Variants in KAT6A observed in about 807,000 individuals in gnomAD.
KAT6A encodes histone acetyltransferase KAT6A.
Under a neutral mutation model 198.4 loss-of-function variants are expected in KAT6A, and 9 were observed. That is an observed-to-expected ratio of 0.05 (90% CI 0.03 to 0.08). The LOEUF (loss-of-function observed/expected upper bound fraction) is 0.08. Ranked by LOEUF, KAT6A falls within the 10% of genes least tolerant of loss-of-function variation. The probability of loss-of-function intolerance (pLI) is 1.00; values close to 1 mark genes in which losing one functional copy is unlikely to be tolerated. For missense variants in KAT6A, 2,077 were observed against 2,509.9 expected (o/e 0.83, Z 3.69); for synonymous variants, 890 against 883.0 (o/e 1.01, Z -0.14).
chr8:41,965,192 G>A (rs1823409437), intron 8 of KAT6A, among the ~76,000 whole-genome samples: 1 of 152,194 alleles, frequency 6.6e-6, no homozygotes, highest in Non-Finnish European at 1.5e-5. Context: ...CTTCTGAGGT[G>A]ACAGATTTGA....
At chr8:41,999,899 T>C (rs1454769253) in intron 2 of KAT6A, among the ~76,000 whole-genome samples, 2 of 152,248 alleles carry the variant, frequency 1.3e-5, no homozygotes, top group African/African-American at 2.4e-5. Context: ...GATAAAGTTA[T>C]GGCTGTGTAA....
intron 14 of KAT6A, chr8:41,942,567 C>T (rs1428431999): frequency 1.9e-6 from 1 of 537,918 alleles, no homozygotes; most frequent in Non-Finnish European, 3.2e-6. Flanking sequence ...ACAAGTAACA[C>T]ATTATAAGAA....
At position 41,933,933 on chromosome 8, in the gene KAT6A, C is replaced by T. The variant is rs1257565684; in HGVS notation, c.4287G>A (p.Gln1429=). Residue 1429 remains glutamine, a synonymous_variant, in exon 17 of 17, where the codon CAG becomes CAA. Transcript: ENST00000265713. This position sits in a 1 kb window ranked among gnomAD's most constrained non-coding sequence, Gnocchi z 6.2. ...CACTGCTTTCTTCTTGAGTCAAAGA[C>T]TGCACTGCCTGTACAGTTTCCAGAT... ...ELDLETVQAV[Q]SLTQEESSEH... is the part of the protein sequence containing the mutation. The T allele has an allele frequency of 6.2e-7, 1 of 1,614,120 alleles. No homozygotes were observed. Among genetic ancestry groups the T allele is most frequent in the Admixed American group, 1.7e-5 (1 of 60,024 alleles).
At chr8:41,937,685 GC>G (rs2150859029) in intron 15 of KAT6A, 117 bp from the exon 16 acceptor site, 1 of 725,568 alleles carries the variant, frequency 1.4e-6, no homozygotes, top group African/African-American at 1.8e-5. Flanking sequence ...GATGTTGTTT[GC>G]CAAAAAATAT....
In KAT6A at chr8:41,941,318, T is replaced by A. The variant is rs770584269; in HGVS notation, c.2563A>T (p.Ser855Cys). ...GATGGCTGGCTATTTGCAGGAAGACTATCATGAGGAAGGACTTGTTTGCTC... is the reference window on the plus strand; with the variant it reads ...GATGGCTGGCTATTTGCAGGAAGACAATCATGAGGAAGGACTTGTTTGCTC... ...RLSKQVLPHD[S>C]LPANSQPSRR... The change falls in exon 15 of 17, where the codon AGT (serine) becomes TGT (cysteine). Residue 855 changes from serine to cysteine, a missense_variant. By Grantham distance (112) the Ser-to-Cys change is moderately radical (BLOSUM62 -1). Coordinates refer to ENST00000265713, the MANE Select transcript of KAT6A (RefSeq NM_006766.5). 12 of 1,613,896 alleles carry A rather than the reference T, an allele frequency of 7.4e-6. No individual in the cohort carries two copies. In the South Asian group the frequency reaches 1.1e-4, roughly 15 times the overall value.
intron 2 of KAT6A, among the ~76,000 whole-genome samples, chr8:42,027,219 G>T (rs1366607014): frequency 6.6e-6 from 1 of 152,142 alleles, no homozygotes; most frequent in African/African-American, 2.4e-5. Flanking sequence ...TGTTCATCAG[G>T]ACTATTGGCC....
chr8:41,999,696 T>G (rs1236958576), intron 2 of KAT6A, among the ~76,000 whole-genome samples: 1 of 152,212 alleles, frequency 6.6e-6, no homozygotes, highest in Non-Finnish European at 1.5e-5. Context: ...TCTTCAGAAA[T>G]CATACTTTAC....
intron 8 of KAT6A, among the ~76,000 whole-genome samples, chr8:41,965,897 T>G (rs909917278): frequency 6.6e-6 from 1 of 152,160 alleles, no homozygotes; most frequent in African/African-American, 2.4e-5. Flanking sequence ...GGGGCGATGT[T>G]TACTGTGTTA....
At chr8:41,936,418 C>T (rs767191994) in intron 16 of KAT6A, among the ~76,000 whole-genome samples, 75 of 152,186 alleles carry the variant, frequency 4.9e-4, no homozygotes, top group Non-Finnish European at 9.1e-4. Flanking sequence ...GGTTTATGTA[C>T]CAAGACTGGA....
chr8:41,959,848 C>T (rs1052445406), intron 8 of KAT6A, among the ~76,000 whole-genome samples: 1 of 151,780 alleles, frequency 6.6e-6, no homozygotes, highest in Non-Finnish European at 1.5e-5. Flanking sequence ...CCCAGCTACT[C>T]GGGAGGCTGA....
At chr8:41,965,157 G>A (rs979164279) in intron 8 of KAT6A, among the ~76,000 whole-genome samples, 4 of 152,132 alleles carry the variant, frequency 2.6e-5, no homozygotes, top group African/African-American at 9.7e-5. Context: ...AATGGAAACA[G>A]GTACACATCA....
At position 41,964,627 on chromosome 8, in the gene KAT6A, GA is replaced by G. The variant is rs61710510; in HGVS notation, c.1483-9217del. On this transcript the variant is annotated intron_variant, in intron 8 of 16. Transcript: ENST00000265713. ...ATATGATGCAAATATTCCAAAATCT[GA>G]AAAAAAAAAAAAAAAAAAATCAAAA... 5.6e-3 allele frequency among the ~76,000 whole-genome samples: 732 copies of G among 130,890 alleles called. 4 individuals are homozygous for G. Among genetic ancestry groups the G allele is most frequent in the East Asian group, 0.023 (107 of 4,562 alleles). The allele number at this position is 130,890 out of a possible 152,430, so 85.9% of individuals were successfully genotyped here. A position where few individuals can be genotyped will look rare whatever the true frequency, so the allele number is the denominator to read the frequency against.
chr8:42,044,478 T>A (rs188710276), intron 2 of KAT6A, among the ~76,000 whole-genome samples: 1 of 152,224 alleles, frequency 6.6e-6, no homozygotes, highest in African/African-American at 2.4e-5. Flanking sequence ...AAAGTTCCAA[T>A]GTCTTCACAA....
chr8:42,051,583 C>G (rs1802654162), intron 1 of KAT6A, among the ~76,000 whole-genome samples: 1 of 145,224 alleles, frequency 6.9e-6, no homozygotes, highest in Non-Finnish European at 1.5e-5. Context: ...CCCGCCGGCT[C>G]CCCCAGGGCG....
At chr8:42,025,307 G>A (rs938432219) in intron 2 of KAT6A, among the ~76,000 whole-genome samples, 3 of 152,026 alleles carry the variant, frequency 2.0e-5, no homozygotes, top group Admixed American at 6.5e-5. Flanking sequence ...CACCTCCCAG[G>A]TTCAAGTGAT....
At chr8:42,003,448 T>G (rs2150903976) in intron 2 of KAT6A, among the ~76,000 whole-genome samples, 1 of 150,054 alleles carries the variant, frequency 6.7e-6, no homozygotes, top group South Asian at 2.1e-4. Context: ...CAAACCTCTT[T>G]TTTTTTTTTT....
Position 42,048,890 on chromosome 8 carries a change from C to G in KAT6A, c.88G>C (p.Glu30Gln). 5 of 1,614,150 alleles carry G rather than the reference C, an allele frequency of 3.1e-6. No individual in the cohort carries two copies. Among genetic ancestry groups the G allele is most frequent in the Non-Finnish European group, 4.2e-6 (5 of 1,180,000 alleles). ...VKKQKQRPSE[E>Q]RICNAVSSSH... is the part of the protein sequence containing the mutation. ...GAAGACACAGCATTGCATATCCTTTCTTCTGAAGGACGCTGTTTCTGCTTT... is the reference window on the plus strand; with the variant it reads ...GAAGACACAGCATTGCATATCCTTTGTTCTGAAGGACGCTGTTTCTGCTTT... The change falls in exon 2 of 17, where the codon GAA becomes CAA. Residue 30 changes from glutamate to glutamine, a missense_variant. Physicochemically the swap from Glu to Gln is conservative, Grantham distance 29. Transcript: ENST00000265713.
chr8:41,934,927 T>C, intron 16 of KAT6A, 60 bp from the exon 17 acceptor site: 2 of 1,321,582 alleles, frequency 1.5e-6, no homozygotes, highest in Non-Finnish European at 2.1e-6. Context: ...TCTAGTTCCT[T>C]CTTCCAAGAC....
At chr8:41,956,177 C>G (rs754620598) in intron 8 of KAT6A, among the ~76,000 whole-genome samples, 5 of 152,116 alleles carry the variant, frequency 3.3e-5, no homozygotes, top group Non-Finnish European at 7.3e-5. Context: ...AACATAAGTA[C>G]GTAGCTCAAG....
Sources: allele counts gnomAD v4.1 joint callset (sites outside exome capture counted in the v4.1 genomes callset), GRCh38; gene constraint gnomAD v4.1.1; non-coding constraint Gnocchi (gnomAD v3.1); transcripts MANE v1.5; gene names NCBI Gene and HGNC (gene_info 2026-07-23, HGNC 2026-07-21).